Variants in BBX observed in about 807,000 individuals in gnomAD.
The protein encoded by BBX is BBX high mobility group box domain containing.
BBX carries 30 observed loss-of-function variants against 100.2 expected under a neutral mutation model. The observed-to-expected ratio is 0.30, with a 90% confidence interval of 0.22 to 0.41. BBX has a LOEUF of 0.41. Ranked by LOEUF, BBX falls within the 10% of genes least tolerant of loss-of-function variation. The pLI is 1.00. For missense variants in BBX, 1,023 were observed against 1,129.8 expected (o/e 0.91, Z 1.35); for synonymous variants, 376 against 388.1 (o/e 0.97, Z 0.37).
At chr3:107,746,336 A>T (rs1013425017) in intron 8 of BBX, among the ~76,000 whole-genome samples, 16 of 152,200 alleles carry the variant, frequency 1.1e-4, no homozygotes, top group Non-Finnish European at 2.1e-4. Context: ...GCATTCTGTC[A>T]TACTTGCACA....
At chr3:107,766,717 A>G (rs2066424857) in intron 10 of BBX, among the ~76,000 whole-genome samples, 1 of 152,206 alleles carries the variant, frequency 6.6e-6, no homozygotes, top group African/African-American at 2.4e-5. Context: ...CATATACCCA[A>G]AGGATTATAA....
intron 3 of BBX, among the ~76,000 whole-genome samples, chr3:107,653,930 T>G (rs1490620973): frequency 6.6e-6 from 1 of 152,178 alleles, no homozygotes; most frequent in Non-Finnish European, 1.5e-5. Context: ...GTGAGATGTA[T>G]CCATGTGCAG....
chr3:107,701,803 G>T (rs1387007515), intron 3 of BBX, among the ~76,000 whole-genome samples: 3 of 134,776 alleles, frequency 2.2e-5, no homozygotes, highest in Non-Finnish European at 4.8e-5. Flanking sequence ...TCTGCCTCAG[G>T]TTTCTCATCT....
chr3:107,738,602 A>G (rs2063831640), intron 7 of BBX, among the ~76,000 whole-genome samples: 1 of 152,232 alleles, frequency 6.6e-6, no homozygotes, highest in African/African-American at 2.4e-5. Flanking sequence ...ACAAAGTGGC[A>G]GAACTGGGAT....
intron 13 of BBX, among the ~76,000 whole-genome samples, chr3:107,780,191 G>T (rs1202253567): frequency 1.3e-5 from 2 of 151,984 alleles, no homozygotes; most frequent in Non-Finnish European, 2.9e-5. Context: ...CAAGTATCTT[G>T]AGCTCCCATA....
At chr3:107,690,446 A>G (rs1188624166) in intron 3 of BBX, among the ~76,000 whole-genome samples, 1 of 152,200 alleles carries the variant, frequency 6.6e-6, no homozygotes, top group African/African-American at 2.4e-5. Flanking sequence ...AATTAATGAG[A>G]AATGGTTTTA....
chr3:107,776,957 T>C (rs2067368356), intron 12 of BBX, among the ~76,000 whole-genome samples: 1 of 152,212 alleles, frequency 6.6e-6, no homozygotes, highest in Non-Finnish European at 1.5e-5. Flanking sequence ...TTACCCTTTA[T>C]TGCTTTGACA....
chr3:107,724,351 G>C (rs1241569932), intron 5 of BBX, among the ~76,000 whole-genome samples: 1 of 152,114 alleles, frequency 6.6e-6, no homozygotes, highest in East Asian at 1.9e-4. Flanking sequence ...CTCCCATTCT[G>C]TAGGTTGCCT....
rs1053684342 is a variant in BBX at position 107,617,695 on chromosome 3, CATTGCTCATATGTTAAAGTACA to C, written c.-83-28136_-83-28115del. ...ATTTTAATTTTGATGTCCACATGTT[CATTGCTCATATGTTAAAGTACA>C]ATTGATTAAATATAATATTTAACTG... On this transcript the variant is annotated intron_variant, in intron 2 of 17. Transcript: ENST00000325805. 4.2e-4 allele frequency among the ~76,000 whole-genome samples: 64 copies of C among 152,072 alleles called. 1 individual carries two copies. The highest frequency in any genetic ancestry group is 1.5e-3 in the African/African-American group (61 of 41,418).
At chr3:107,534,687 T>G (rs1222282163) in intron 2 of BBX, among the ~76,000 whole-genome samples, 1 of 152,226 alleles carries the variant, frequency 6.6e-6, no homozygotes, top group East Asian at 1.9e-4. Context: ...AAAAAATTGT[T>G]GATAAATGAG....
Position 107,773,325 on chromosome 3 carries a change from A to G in BBX, c.1604A>G (p.Glu535Gly), listed in dbSNP as rs778456907. 2 of 1,613,976 alleles carry G rather than the reference A, an allele frequency of 1.2e-6. No individual in the cohort carries two copies. Among genetic ancestry groups the G allele is most frequent in the African/African-American group, 1.3e-5 (1 of 74,914 alleles). ...CCAAAGAAAAAAGTGAAATCAAGAG[A>G]GAAGAAAATGTCAAAGGAGAAATCC... ...KPPKKKVKSREKKMSKEKSSD... is the reference protein window; with the variant it reads ...KPPKKKVKSRGKKMSKEKSSD... The change falls in exon 11 of 18, where the codon GAG becomes GGG. Residue 535 changes from glutamate (E) to glycine (G), a missense_variant. By Grantham distance (98) the Glu-to-Gly change is moderately conservative. Around this residue, in one of 9 missense-constraint regions of BBX, gnomAD observed 348 missense variants for 353.2 expected, o/e 0.99. Coordinates refer to ENST00000325805, the MANE Select transcript of BBX (RefSeq NM_001142568.3). The surrounding 1 kb of genome is among the most constrained non-coding windows in gnomAD (Gnocchi z 4.1).
chr3:107,610,774 A>G (rs932759080), intron 2 of BBX, among the ~76,000 whole-genome samples: 5 of 148,918 alleles, frequency 3.4e-5, no homozygotes, highest in East Asian at 3.9e-4. Context: ...CTTATAGGCA[A>G]CAGATCATTG....
rs189422964 is a variant in BBX, at chr3:107,772,595, C to T, written c.907-33C>T. On this transcript the variant is annotated intron_variant, in intron 10 of 17. Transcript: ENST00000325805. ...GAAGGTGGAATAATAAGGATACTTT[C>T]GGGTGCTCTCCCATTTTGTTTTAAT... 5.7e-4 allele frequency: 877 copies of T among 1,530,310 alleles called. 5 individuals carry two copies. In the Middle Eastern group the frequency reaches 9.2e-3, roughly 16 times the overall value. The allele number at this position is 1,530,310 out of a possible 1,614,324, so 94.8% of individuals were successfully genotyped here. A position where few individuals can be genotyped will look rare whatever the true frequency, so the allele number is the denominator to read the frequency against.
At chr3:107,610,245 G>A (rs954938254) in intron 2 of BBX, among the ~76,000 whole-genome samples, 25 of 151,882 alleles carry the variant, frequency 1.6e-4, no homozygotes, top group African/African-American at 5.8e-4. Context: ...CTATTATTTT[G>A]AAAGTTTTAA....
chr3:107,652,573 C>G (rs943415051), intron 3 of BBX, among the ~76,000 whole-genome samples: 4 of 152,132 alleles, frequency 2.6e-5, no homozygotes, highest in Admixed American at 6.5e-5. Context: ...ACATTAAGAT[C>G]AATCTAATGA....
chr3:107,789,251 C>G (rs77118118), intron 13 of BBX, among the ~76,000 whole-genome samples: 3,433 of 152,122 alleles, frequency 0.023, 123 homozygotes, highest in African/African-American at 0.076. Flanking sequence ...CCCTTCCAAC[C>G]AGAATAAAGT....
intron 9 of BBX, among the ~76,000 whole-genome samples, chr3:107,751,150 A>G: frequency 6.6e-6 from 1 of 152,222 alleles, no homozygotes; most frequent in Non-Finnish European, 1.5e-5. Context: ...CTGGAACTTC[A>G]CGGTGGAAGG....
chr3:107,778,722 C>G (rs2067536226), intron 13 of BBX, among the ~76,000 whole-genome samples: 1 of 151,892 alleles, frequency 6.6e-6, no homozygotes, highest in Non-Finnish European at 1.5e-5. Context: ...GCATCTCAGT[C>G]TGTATATTTG....
chr3:107,687,574 C>T (rs1256672672), intron 3 of BBX, among the ~76,000 whole-genome samples: 1 of 152,058 alleles, frequency 6.6e-6, no homozygotes, highest in Non-Finnish European at 1.5e-5. Flanking sequence ...GAAGACTCTC[C>T]ACAGTTTTTC....
Sources: gnomAD v4.1 joint callset for allele counts (sites outside exome capture counted in the v4.1 genomes callset) on GRCh38, gnomAD v4.1.1 for gene constraint, gnomAD v4.1.1 regional missense constraint, Gnocchi (gnomAD v3.1) non-coding constraint, MANE v1.5 for transcripts, NCBI Gene and HGNC (gene_info 2026-07-23, HGNC 2026-07-21) for gene names.